The following ATP6V1G3 variants were observed in gnomAD, a reference collection of about 807,000 sequenced individuals.
ATP6V1G3 encodes V-type proton ATPase subunit G 3.
In ATP6V1G3, 9 loss-of-function variants were observed where a neutral mutation model predicts 9.3. That is an observed-to-expected ratio of 0.97 (90% CI 0.59 to 1.69). The LOEUF (loss-of-function observed/expected upper bound fraction) is 1.69. ATP6V1G3 is among the 40% of genes most tolerant of loss of function. The pLI is 0.00. For synonymous variants in ATP6V1G3, 43 were observed against 43.8 expected, an observed-to-expected ratio of 0.98 and a Z score of 0.07; for missense variants, 133 against 139.0, an observed-to-expected ratio of 0.96 and a Z score of 0.22.
intron 1 of ATP6V1G3, among the ~76,000 whole-genome samples, chr1:198,537,079 A>G (rs58035935): frequency 6.6e-6 from 1 of 151,804 alleles, no homozygotes; most frequent in East Asian, 1.9e-4. Flanking sequence ...ATTCCTGCCC[A>G]TGTCCCTGTC....
intron 2 of ATP6V1G3, among the ~76,000 whole-genome samples, chr1:198,528,819 G>T (rs1659768157): frequency 1.3e-5 from 2 of 151,772 alleles, no homozygotes; most frequent in Non-Finnish European, 2.9e-5. Flanking sequence ...TTGTATATTT[G>T]TGAATATGAT....
intron 2 of ATP6V1G3, among the ~76,000 whole-genome samples, chr1:198,527,287 A>G (rs1333251365): frequency 1.3e-5 from 2 of 152,098 alleles, no homozygotes; most frequent in Non-Finnish European, 2.9e-5. Flanking sequence ...AAATATGCTG[A>G]CCTTTCTATG....
At chr1:198,526,367 G>A (rs750826287) in intron 2 of ATP6V1G3, among the ~76,000 whole-genome samples, 4 of 152,126 alleles carry the variant, frequency 2.6e-5, no homozygotes, top group Non-Finnish European at 5.9e-5. Context: ...TTTGTATTGA[G>A]TAGAATGATT....
chr1:198,530,905 A>C (rs888868377), intron 1 of ATP6V1G3, among the ~76,000 whole-genome samples: 5 of 152,064 alleles, frequency 3.3e-5, no homozygotes, highest in African/African-American at 1.2e-4. Context: ...AGGATACATA[A>C]TTATTTTACA....
chr1:198,529,024 TA>T, intron 2 of ATP6V1G3, 56 bp downstream of exon 2: 1 of 807,494 alleles, frequency 1.2e-6, no homozygotes, highest in Non-Finnish European at 2.0e-6. Flanking sequence ...TTAAACCTTA[TA>T]AATATGAAGA....
At chr1:198,537,884 T>C (rs886141959) in intron 1 of ATP6V1G3, among the ~76,000 whole-genome samples, 5 of 152,236 alleles carry the variant, frequency 3.3e-5, no homozygotes, top group African/African-American at 1.2e-4. Flanking sequence ...AGTTATAACA[T>C]ACTGGTATAT....
At chr1:198,531,992 G>T (rs1240298427) in intron 1 of ATP6V1G3, among the ~76,000 whole-genome samples, 1 of 152,112 alleles carries the variant, frequency 6.6e-6, no homozygotes, top group Non-Finnish European at 1.5e-5. Flanking sequence ...AAGGCAAGGG[G>T]TAAAGCGTGA....
chr1:198,536,738 T>A, intron 1 of ATP6V1G3: 1 of 1,590,794 alleles, frequency 6.3e-7, no homozygotes, highest in Non-Finnish European at 8.6e-7. Context: ...ACAGCAGGGG[T>A]AAAAACAAAT....
At chr1:198,531,974 G>GA (rs1053302810) in intron 1 of ATP6V1G3, among the ~76,000 whole-genome samples, 10 of 150,534 alleles carry the variant, frequency 6.6e-5, no homozygotes, top group Middle Eastern at 3.2e-3. Context: ...AAGTCAAGGA[G>GA]AAAAAAAAAG....
chr1:198,523,511 C>G lies in ATP6V1G3; in HGVS notation c.237G>C (p.Gly79=), dbSNP rs777772213. The G allele has an allele frequency of 2.5e-6, 4 of 1,613,556 alleles. No individual in the cohort carries two copies. The Admixed American group carries it at 5.0e-5, about 20-fold the overall frequency. The change falls in exon 3 of 3, where the codon GGG becomes GGC. Residue 79 remains glycine, a synonymous_variant. Transcript: ENST00000367382. ...AGTGTCCATTAAGTTCTTGTATCTT[C>G]CCTAGTGTTTGTTCTTCTATTTCAT... The part of the protein sequence containing the change: ...LSDEIEEQTL[G]KIQELNGHYN...
chr1:198,540,588 C>T lies in ATP6V1G3; in HGVS notation c.63G>A (p.Lys21=). 6.2e-7 allele frequency: 1 copy of T among 1,614,050 alleles called. No individual in the cohort carries two copies. The highest frequency in any genetic ancestry group is 8.5e-7 in the Non-Finnish European group (1 of 1,179,928). The change falls in exon 1 of 3, where the codon AAG becomes AAA. Residue 21 remains lysine (K), a synonymous_variant. Coordinates refer to ENST00000367382, the MANE Select transcript of ATP6V1G3 (RefSeq NM_001376861.1). The part of the protein sequence containing the change: ...LLQAEKRAKD[K]LEEAKKRKGK... Reference sequence around the variant, plus strand: ...ACTTACTCTTCTTGGCTTCCTCTAGCTTGTCCTTGGCCCGTTTTTCTGCCT... The same window carrying T: ...ACTTACTCTTCTTGGCTTCCTCTAGTTTGTCCTTGGCCCGTTTTTCTGCCT...
At chr1:198,523,879 A>C (rs1659549948) in intron 2 of ATP6V1G3, among the ~76,000 whole-genome samples, 1 of 152,176 alleles carries the variant, frequency 6.6e-6, no homozygotes. Flanking sequence ...TATTTATGAC[A>C]GTTTCCATTT....
intron 1 of ATP6V1G3, among the ~76,000 whole-genome samples, chr1:198,538,881 G>T (rs1276671787): frequency 1.1e-5 from 1 of 92,700 alleles, no homozygotes; most frequent in Non-Finnish European, 1.9e-5. Context: ...AACAGAAGCA[G>T]ACCCTGTCTC....
chr1:198,526,487 C>T lies in ATP6V1G3; in HGVS notation c.183+2594G>A, dbSNP rs183225127. 1.2e-3 allele frequency among the ~76,000 whole-genome samples: 181 copies of T among 152,220 alleles called. 2 individuals are homozygous for T. Among genetic ancestry groups the T allele is most frequent in the African/African-American group, 4.2e-3 (176 of 41,544 alleles). ...ATGTATAAGTTAGTAGTTGATAATT[C>T]TGTAACATGTCATGATACATTTGGT... is the stretch of plus-strand genomic sequence containing the variant. On this transcript the variant is annotated intron_variant, in intron 2 of 2. Transcript: ENST00000367382.
Position 198,540,606 on chromosome 1 carries a change from T to G in ATP6V1G3, c.45A>C (p.Glu15Asp). Reference sequence around the variant, plus strand: ...CCTCTAGCTTGTCCTTGGCCCGTTTTTCTGCCTGAAGAAGCTGGTGGATCC... The same window carrying G: ...CCTCTAGCTTGTCCTTGGCCCGTTTGTCTGCCTGAAGAAGCTGGTGGATCC... ...SQGIHQLLQA[E>D]KRAKDKLEEA... Residue 15 changes from glutamate (E) to aspartate (D), a missense_variant, in exon 1 of 3, where the codon GAA (glutamate) becomes GAC (aspartate). By Grantham distance (45) the Glu-to-Asp change is conservative (BLOSUM62 2). Coordinates refer to ENST00000367382, the MANE Select transcript of ATP6V1G3 (RefSeq NM_001376861.1). 1.9e-6 allele frequency: 3 copies of G among 1,614,134 alleles called. No individual in the cohort carries two copies. In the South Asian group the frequency reaches 3.3e-5, roughly 18 times the overall value.
chr1:198,529,774 A>AT lies in ATP6V1G3; in HGVS notation c.83-594dup, dbSNP rs35776327. Among the ~76,000 whole-genome samples the AT allele has an allele frequency of 3.7e-3, 550 of 147,238 alleles. 13 individuals are homozygous for AT. In the East Asian group the frequency reaches 0.055, roughly 15 times the overall value. Reference sequence around the variant, plus strand: ...GATTAAGCCTCAATACATCAAAGCAATTTTTTTTTTTTGTAACTTTCTCTG... The same window carrying AT: ...GATTAAGCCTCAATACATCAAAGCAATTTTTTTTTTTTTGTAACTTTCTCTG... On this transcript the variant is annotated intron_variant, in intron 1 of 2. Transcript: ENST00000367382.
intron 2 of ATP6V1G3, among the ~76,000 whole-genome samples, chr1:198,526,171 C>T (rs1659643736): frequency 6.6e-6 from 1 of 152,100 alleles, no homozygotes; most frequent in South Asian, 2.1e-4. Context: ...ACTAGTCATA[C>T]ACTATTTTAA....
intron 1 of ATP6V1G3, among the ~76,000 whole-genome samples, chr1:198,531,111 G>A (rs1381523862): frequency 3.9e-5 from 6 of 152,058 alleles, no homozygotes; most frequent in African/African-American, 9.7e-5. Flanking sequence ...GGCTCAGAGC[G>A]TGTCTGTGAT....
intron 1 of ATP6V1G3, among the ~76,000 whole-genome samples, chr1:198,530,631 C>T (rs190104325): frequency 1.2e-4 from 19 of 152,228 alleles, no homozygotes; most frequent in Admixed American, 9.8e-4. Context: ...ACATTAATAG[C>T]AATGCTTATC....
Sources: gnomAD v4.1 joint callset for allele counts (sites outside exome capture counted in the v4.1 genomes callset) on GRCh38, gnomAD v4.1.1 for gene constraint, MANE v1.5 for transcripts, NCBI Gene and HGNC (gene_info 2026-07-23, HGNC 2026-07-21) for gene names.